Variants in PPP1R12C observed in about 807,000 individuals in gnomAD.
PPP1R12C encodes protein phosphatase 1 regulatory subunit 12C.
In PPP1R12C, 48 loss-of-function variants were observed where a neutral mutation model predicts 95.6. The ratio of observed to expected loss-of-function variants is 0.50; its 90% CI spans 0.40 to 0.64. The LOEUF is 0.64. Ranked by LOEUF, PPP1R12C falls within the 30% of genes least tolerant of loss-of-function variation. The pLI, the probability that PPP1R12C is intolerant of heterozygous loss-of-function variation, is 0.00. For missense variants in PPP1R12C, 1,057 were observed against 1,083.3 expected (o/e 0.98, Z 0.34); for synonymous variants, 480 against 460.8 (o/e 1.04, Z -0.53).
chr19:55,092,993 A>C (rs771334374), intron 15 of PPP1R12C, 23 bp downstream of exon 15: 4 of 1,561,542 alleles, frequency 2.6e-6, no homozygotes, highest in Non-Finnish European at 3.5e-6. Flanking sequence ...CCTGGGAATG[A>C]CCTCCCCGAG....
intron 1 of PPP1R12C, chr19:55,113,676 A>C: frequency 3.7e-6 from 4 of 1,086,550 alleles, no homozygotes; most frequent in Non-Finnish European, 4.7e-6. Context: ...CACCTCTCCA[A>C]AGCTGCCCAT....
intron 1 of PPP1R12C, chr19:55,113,460 C>T (rs1478326968): frequency 1.3e-6 from 2 of 1,483,532 alleles, no homozygotes; most frequent in Non-Finnish European, 1.8e-6. Context: ...GGCCCTGCAG[C>T]CAGGGGCTGA....
At chr19:55,113,360 G>A (rs567046003) in intron 1 of PPP1R12C, 35 of 1,394,040 alleles carry the variant, frequency 2.5e-5, no homozygotes, top group African/African-American at 4.4e-5. Context: ...GGGCCTGGGC[G>A]GGACTCCCAG....
In PPP1R12C at chr19:55,095,315, G is replaced by T. The variant is rs779932431; in HGVS notation, c.1430C>A (p.Pro477Gln). ...RLARITPTPS[P>Q]KLPEPSVLSE... Reference sequence around the variant, plus strand: ...CAGGACAGAGGGCTCCGGCAGCTTCGGGGAGGGGGTCGGGGTAATTCTGGC... The same window carrying T: ...CAGGACAGAGGGCTCCGGCAGCTTCTGGGAGGGGGTCGGGGTAATTCTGGC... Residue 477 changes from proline (P) to glutamine (Q), a missense_variant, in exon 11 of 22, where the codon CCG becomes CAG. Physicochemically the swap from Pro to Gln is moderately conservative, Grantham distance 76. Around this residue, in one of 5 missense-constraint regions of PPP1R12C, gnomAD observed 356 missense variants for 330.5 expected, o/e 1.08. Transcript: ENST00000263433. 1.3e-6 allele frequency: 2 copies of T among 1,586,442 alleles called. No individual in the cohort carries two copies. The highest frequency in any genetic ancestry group is 2.3e-5 in the East Asian group (1 of 43,162).
chr19:55,107,701 G>T (rs1330948024), intron 3 of PPP1R12C, among the ~76,000 whole-genome samples: 1 of 119,534 alleles, frequency 8.4e-6, no homozygotes, highest in East Asian at 2.9e-4. Flanking sequence ...GGCCTGTCGT[G>T]GGGTGGGGGG....
At chr19:55,110,611 G>A (rs1431584825) in intron 3 of PPP1R12C, among the ~76,000 whole-genome samples, 1 of 152,172 alleles carries the variant, frequency 6.6e-6, no homozygotes, top group African/African-American at 2.4e-5. Flanking sequence ...CCGGGCTCAC[G>A]CCTGTAATCC....
At chr19:55,113,447 C>G in intron 1 of PPP1R12C, 1 of 1,493,532 alleles carries the variant, frequency 6.7e-7, no homozygotes, top group Non-Finnish European at 8.9e-7. Flanking sequence ...CCCCTCTGCA[C>G]GGGGCCCTGC....
In PPP1R12C at chr19:55,094,818, C is replaced by T. The variant is rs759026882; in HGVS notation, c.1455-20G>A. On this transcript the variant is annotated intron_variant, in intron 11 of 21. Transcript: ENST00000263433. ...TCAGACCTGCATCAATTCATTCATTCCACAAACATTACCCAGGTGCATTGT... is the reference window on the plus strand; with the variant it reads ...TCAGACCTGCATCAATTCATTCATTTCACAAACATTACCCAGGTGCATTGT... The T allele has an allele frequency of 1.0e-5, 16 of 1,575,760 alleles. No homozygotes were observed. The South Asian group carries it at 1.7e-4, about 17-fold the overall frequency.
intron 6 of PPP1R12C, 61 bp downstream of exon 6, chr19:55,098,723 C>A: frequency 6.3e-7 from 1 of 1,598,924 alleles, no homozygotes; most frequent in Non-Finnish European, 8.6e-7. Context: ...TCTGCACCCT[C>A]CTCTGAGGAG....
intron 15 of PPP1R12C, 56 bp downstream of exon 15, chr19:55,092,960 C>G: frequency 6.4e-7 from 1 of 1,571,284 alleles, no homozygotes; most frequent in Non-Finnish European, 8.6e-7. Flanking sequence ...AGCAAGAAGA[C>G]TATGGGAGAA....
chr19:55,092,094 C>A, intron 19 of PPP1R12C, 128 bp downstream of exon 19: 5 of 1,102,262 alleles, frequency 4.5e-6, no homozygotes, highest in Non-Finnish European at 6.4e-6. Context: ...CCTCCGAGAT[C>A]TCGGCCCCGC....
chr19:55,117,071 G>A (rs1405875479), intron 1 of PPP1R12C, 152 bp downstream of exon 1: 2 of 605,616 alleles, frequency 3.3e-6, no homozygotes, highest in Admixed American at 4.8e-5. Flanking sequence ...AATGGTAAGG[G>A]GGACTGGGAC....
chr19:55,098,350 C>A (rs2147189609), intron 6 of PPP1R12C, among the ~76,000 whole-genome samples: 1 of 152,362 alleles, frequency 6.6e-6, no homozygotes, highest in East Asian at 1.9e-4. Context: ...GGCAGTCTGG[C>A]CAAGGCTCAC....
At chr19:55,097,924 C>A (rs2084940294) in intron 6 of PPP1R12C, among the ~76,000 whole-genome samples, 1 of 152,118 alleles carries the variant, frequency 6.6e-6, no homozygotes, top group Admixed American at 6.5e-5. Flanking sequence ...GTGGCCCTCC[C>A]GGGTCTGCCC....
At chr19:55,095,801 A>C in intron 9 of PPP1R12C, 66 bp downstream of exon 9, 1 of 1,569,922 alleles carries the variant, frequency 6.4e-7, no homozygotes, top group East Asian at 2.2e-5. Flanking sequence ...AGAGGTTCAC[A>C]GGCTGTATGG....
rs781202887 is a variant in PPP1R12C at position 55,092,305 on chromosome 19, C to G, written c.2077G>C (p.Glu693Gln). 5.0e-6 allele frequency: 8 copies of G among 1,600,058 alleles called. No homozygotes were observed. The South Asian group carries it at 7.9e-5, about 16-fold the overall frequency. ...FRTLYAELRR[E>Q]NERLREALTE... is the part of the protein sequence containing the mutation. ...AGGGCCTCGCGAAGCCGCTCGTTCTCCCTGCGCAGCTCTGCATACAGCTGG... is the reference window on the plus strand; with the variant it reads ...AGGGCCTCGCGAAGCCGCTCGTTCTGCCTGCGCAGCTCTGCATACAGCTGG... The change falls in exon 19 of 22, where the codon GAG becomes CAG. Residue 693 changes from glutamate (E) to glutamine (Q), a missense_variant. Glu to Gln is a conservative substitution (Grantham distance 29). This residue lies in a region of PPP1R12C where 347 missense variants were observed against 307.9 expected (regional missense o/e 1.13). Transcript: ENST00000263433.
chr19:55,092,424 G>A lies in PPP1R12C; in HGVS notation c.2055+18C>T, dbSNP rs750710792. On this transcript the variant is annotated intron_variant, in intron 18 of 21. Transcript: ENST00000263433. ...GGCACCCAGCAGGCAAAGCCCCGACGGAGGGGTGGGATCGCACCGTCCTAA... is the reference window on the plus strand; with the variant it reads ...GGCACCCAGCAGGCAAAGCCCCGACAGAGGGGTGGGATCGCACCGTCCTAA... 2.7e-5 allele frequency: 43 copies of A among 1,596,504 alleles called. No homozygotes were observed. The highest frequency in any genetic ancestry group is 1.7e-4 in the Middle Eastern group (1 of 6,054).
chr19:55,092,738 C>G (rs1254970464), intron 16 of PPP1R12C, 45 bp downstream of exon 16: 1 of 1,535,882 alleles, frequency 6.5e-7, no homozygotes, highest in Non-Finnish European at 8.8e-7. Flanking sequence ...TGCCCGCCCC[C>G]CGGCCCACCC....
At chr19:55,103,696 G>C (rs2085003135) in intron 3 of PPP1R12C, 128 bp from the exon 4 acceptor site, 4 of 871,972 alleles carry the variant, frequency 4.6e-6, no homozygotes, top group Non-Finnish European at 6.5e-6. Flanking sequence ...TCCCCTCTGA[G>C]ACTCAGGAGG....
Sources: gnomAD v4.1 joint callset for allele counts (sites outside exome capture counted in the v4.1 genomes callset) on GRCh38, gnomAD v4.1.1 for gene constraint, gnomAD v4.1.1 regional missense constraint, MANE v1.5 for transcripts, NCBI Gene and HGNC (gene_info 2026-07-23, HGNC 2026-07-21) for gene names.